Variants in ZNF544 observed in about 807,000 individuals in gnomAD.
ZNF544 encodes zinc finger protein 544.
ZNF544 carries 10 observed loss-of-function variants against 13.5 expected under a neutral mutation model. The ratio of observed to expected loss-of-function variants is 0.74; its 90% CI spans 0.46 to 1.25. The LOEUF (loss-of-function observed/expected upper bound fraction) is 1.25, where lower values mean the gene tolerates loss of function less well. Among genes scored for constraint, ZNF544 ranks in the 50% most tolerant of loss-of-function variants. The pLI, the probability that ZNF544 is intolerant of heterozygous loss-of-function variation, is 0.00. For missense variants in ZNF544, 896 were observed against 845.6 expected (o/e 1.06, Z -0.74); for synonymous variants, 323 against 300.5 (o/e 1.07, Z -0.77).
chr19:58,249,673 G>A (rs1317626270), intron 6 of ZNF544, among the ~76,000 whole-genome samples: 5 of 152,034 alleles, frequency 3.3e-5, no homozygotes, highest in Admixed American at 6.6e-5. Context: ...CTCATTGTTC[G>A]GCATAAAAAC....
At chr19:58,260,531 C>T in intron 6 of ZNF544, 1 of 194,546 alleles carries the variant, frequency 5.1e-6, no homozygotes, top group Non-Finnish European at 1.0e-5. Flanking sequence ...CCACCTGCCT[C>T]AGCCTCCCAA....
intron 5 of ZNF544, 41 bp downstream of exon 5, chr19:58,246,468 A>T (rs754447658): frequency 1.2e-6 from 2 of 1,610,222 alleles, no homozygotes; most frequent in Middle Eastern, 1.7e-4. Context: ...TACCCCTAGG[A>T]CTCAAAGCTG....
chr19:58,246,172 A>G (rs2045161049), intron 4 of ZNF544, 129 bp from the exon 5 acceptor site: 9 of 1,271,968 alleles, frequency 7.1e-6, no homozygotes, highest in Non-Finnish European at 1.0e-5. Flanking sequence ...TCTTAACACT[A>G]TCTCACTGGG....
chr19:58,259,445 C>G (rs1437824857), intron 6 of ZNF544: 1 of 152,188 alleles, frequency 6.6e-6, no homozygotes, highest in African/African-American at 2.4e-5. Context: ...TTCCACCAAC[C>G]TGTTGGCTTA....
Position 58,263,277 on chromosome 19 carries a change from A to T in ZNF544, c.*523A>T. 1.1e-6 allele frequency: 1 copy of T among 896,356 alleles called. No individual in the cohort carries two copies. Among genetic ancestry groups the T allele is most frequent in the Non-Finnish European group, 1.3e-6 (1 of 757,646 alleles). The allele number at this position is 896,356 out of a possible 1,614,324, so 55.5% of individuals were successfully genotyped here. On this transcript the variant is annotated 3_prime_UTR_variant, in exon 7 of 7. Transcript: ENST00000687789. ...GGAGTTTGAAACCAGCCTGGGTAAC[A>T]TGGCAAAATCCTGTCTTTACAAAAA...
chr19:58,263,142 G>C lies in ZNF544; in HGVS notation c.*388G>C. The C allele has an allele frequency of 9.9e-7, 1 of 1,007,876 alleles. No homozygotes were observed. The highest frequency in any genetic ancestry group is 1.2e-6 in the Non-Finnish European group (1 of 842,458). The allele number at this position is 1,007,876 out of a possible 1,614,324, so 62.4% of individuals were successfully genotyped here. ...TACTTTCCTTATTCAACATGAGAAAGCTCATGGGCAAGAAACTCTATGAAT... is the reference window on the plus strand; with the variant it reads ...TACTTTCCTTATTCAACATGAGAAACCTCATGGGCAAGAAACTCTATGAAT... On this transcript the variant is annotated 3_prime_UTR_variant, in exon 7 of 7. Coordinates refer to ENST00000687789, the MANE Select transcript of ZNF544 (RefSeq NM_014480.4).
chr19:58,262,012 G>C lies in ZNF544; in HGVS notation c.1406G>C (p.Cys469Ser). The change falls in exon 7 of 7, where the codon TGT becomes TCT. Residue 469 changes from cysteine to serine, a missense_variant. Transcript: ENST00000687789. Reference protein sequence around the residue: ...TGEKPYECTHCGKSFSQSYEL... With the variant: ...TGEKPYECTHSGKSFSQSYEL... ...GAGAAACCGTATGAGTGCACTCACT[G>C]TGGAAAGTCCTTCAGCCAAAGCTAT... 6.2e-7 allele frequency: 1 copy of C among 1,613,512 alleles called. No individual in the cohort carries two copies. Among genetic ancestry groups the C allele is most frequent in the Non-Finnish European group, 8.5e-7 (1 of 1,179,942 alleles).
At chr19:58,254,350 G>C (rs2147344952) in intron 6 of ZNF544, among the ~76,000 whole-genome samples, 1 of 152,332 alleles carries the variant, frequency 6.6e-6, no homozygotes, top group African/African-American at 2.4e-5. Flanking sequence ...AGAATATCAA[G>C]TGTTTCCTCC....
chr19:58,243,550 G>A (rs901861169), intron 3 of ZNF544, among the ~76,000 whole-genome samples: 5 of 151,930 alleles, frequency 3.3e-5, no homozygotes, highest in African/African-American at 7.3e-5. Context: ...TCCCAGAGCC[G>A]AGGGAAGTTC....
chr19:58,228,945 A>G lies in ZNF544; in HGVS notation c.-233A>G, dbSNP rs990811798. 1.3e-5 allele frequency: 2 copies of G among 152,338 alleles called. No homozygotes were observed. The allele number at this position is 152,338 out of a possible 1,614,324, so 9.4% of individuals were successfully genotyped here. On this transcript the variant is annotated splice_region_variant and 5_prime_UTR_variant, in exon 1 of 7. Transcript: ENST00000687789. Reference sequence around the variant, plus strand: ...AGCACCGCCATTGGCCGGTGCGTGCAGGTGAGTCTGGCGGCCTCAAGGTTG... The same window carrying G: ...AGCACCGCCATTGGCCGGTGCGTGCGGGTGAGTCTGGCGGCCTCAAGGTTG...
chr19:58,267,937 C>T (rs557576717), downstream of ZNF544, among the ~76,000 whole-genome samples: 111 of 148,964 alleles, frequency 7.5e-4, no homozygotes, highest in Middle Eastern at 3.7e-3. Context: ...GCCGAGATCA[C>T]GCCACTGCAC....
Position 58,262,333 on chromosome 19 carries a change from A to G in ZNF544, c.1727A>G (p.Tyr576Cys). The change falls in exon 7 of 7, where the codon TAC becomes TGC. Residue 576 changes from tyrosine to cysteine, a missense_variant. Coordinates refer to ENST00000687789, the MANE Select transcript of ZNF544 (RefSeq NM_014480.4). The part of the protein sequence containing the change: ...HQRIHTGEKP[Y>C]DCTHCGKSFS... Reference sequence around the variant, plus strand: ...AGAATTCATACTGGAGAGAAACCGTACGATTGCACTCACTGTGGAAAGTCC... The same window carrying G: ...AGAATTCATACTGGAGAGAAACCGTGCGATTGCACTCACTGTGGAAAGTCC... 1.2e-6 allele frequency: 2 copies of G among 1,614,062 alleles called. No individual in the cohort carries two copies. The highest frequency in any genetic ancestry group is 1.7e-6 in the Non-Finnish European group (2 of 1,179,982).
intron 3 of ZNF544, among the ~76,000 whole-genome samples, chr19:58,240,561 A>G (rs1244109950): frequency 6.6e-6 from 1 of 152,030 alleles, no homozygotes; most frequent in Non-Finnish European, 1.5e-5. Context: ...GGAGTTTGAG[A>G]CCAGCCTGGA....
rs368728213 is a variant in ZNF544 at position 58,261,070 on chromosome 19, A to T, written c.464A>T (p.Glu155Val). 2 of 1,614,054 alleles carry T rather than the reference A, an allele frequency of 1.2e-6. No individual in the cohort carries two copies. Among genetic ancestry groups the T allele is most frequent in the Non-Finnish European group, 1.7e-6 (2 of 1,180,042 alleles). ...LTSERLFAQR[E>V]HCELELGGGY... ...TCAGAGAGACTGTTTGCTCAAAGGG[A>T]ACATTGTGAGCTTGAACTTGGGGGA... Residue 155 changes from glutamate to valine, a missense_variant, in exon 7 of 7, where the codon GAA becomes GTA. By Grantham distance (121) the Glu-to-Val change is moderately radical. Transcript: ENST00000687789.
chr19:58,273,839 A>G (rs1164662068), intron 5 of ZNF544, among the ~76,000 whole-genome samples: 1 of 150,488 alleles, frequency 6.6e-6, no homozygotes, highest in Admixed American at 6.7e-5. Flanking sequence ...CTCTGCCGCC[A>G]GGCTGGAGTG....
At chr19:58,273,689 C>CA (rs919160966) in intron 5 of ZNF544, among the ~76,000 whole-genome samples, 3,083 of 60,154 alleles carry the variant, frequency 0.051, 76 homozygotes, top group African/African-American at 0.13. Context: ...GACTCTGTCT[C>CA]AAAAAAAAAA....
intron 6 of ZNF544, among the ~76,000 whole-genome samples, chr19:58,254,141 G>A (rs766123591): frequency 2.6e-5 from 4 of 152,006 alleles, no homozygotes; most frequent in East Asian, 1.9e-4. Context: ...GGAGAATGGC[G>A]TGAACCCGGG....
At position 58,244,063 on chromosome 19, in the gene ZNF544, G is replaced by A. The variant is rs113343013; in HGVS notation, c.33+7G>A. On this transcript the variant is annotated splice_region_variant and intron_variant, in intron 4 of 6. Transcript: ENST00000687789. ...TATGCTGGTTCCACCCCAGGTGAGT[G>A]GGGGGTCTTTGCTCTCAGTGCCTTG... 2 of 1,605,862 alleles carry A rather than the reference G, an allele frequency of 1.2e-6. No individual in the cohort carries two copies. Among genetic ancestry groups the A allele is most frequent in the Non-Finnish European group, 1.7e-6 (2 of 1,175,812 alleles).
At chr19:58,241,043 C>T (rs1786104628) in intron 3 of ZNF544, among the ~76,000 whole-genome samples, 1 of 137,636 alleles carries the variant, frequency 7.3e-6, no homozygotes, top group African/African-American at 2.7e-5. Context: ...ACGATCACTA[C>T]TCACTGCAAT....
Sources: gnomAD v4.1 joint callset for allele counts (sites outside exome capture counted in the v4.1 genomes callset) on GRCh38, gnomAD v4.1.1 for gene constraint, MANE v1.5 for transcripts, NCBI Gene and HGNC (gene_info 2026-07-23, HGNC 2026-07-21) for gene names.